RNF180: variants seen among roughly 807,000 people sequenced by gnomAD.
The protein encoded by RNF180 is E3 ubiquitin-protein ligase RNF180.
Under a neutral mutation model 59.2 loss-of-function variants are expected in RNF180, and 38 were observed. That is an observed-to-expected ratio of 0.64 (90% confidence interval 0.50 to 0.84). The LOEUF (loss-of-function observed/expected upper bound fraction) is 0.84, where lower values mean the gene tolerates loss of function less well. Among genes scored for constraint, RNF180 ranks in the 40% least tolerant of loss-of-function variants. RNF180 has a pLI of 0.00. For synonymous variants in RNF180, 262 were observed against 240.3 expected (o/e 1.09, Z -0.84); for missense variants, 705 against 700.9 (o/e 1.01, Z -0.07).
At chr5:64,179,201 A>G (rs534897310) in intron 1 of RNF180, among the ~76,000 whole-genome samples, 27 of 152,192 alleles carry the variant, frequency 1.8e-4, no homozygotes, top group Non-Finnish European at 2.9e-4. Flanking sequence ...ATTCCTAATA[A>G]AAAATTTAAT....
At chr5:64,317,669 C>T (rs1196447915) in intron 5 of RNF180, among the ~76,000 whole-genome samples, 1 of 151,264 alleles carries the variant, frequency 6.6e-6, no homozygotes, top group Non-Finnish European at 1.5e-5. Context: ...GCCTTATCCA[C>T]AGAGGATATG....
chr5:64,278,219 T>TA (rs1192904263), intron 5 of RNF180, among the ~76,000 whole-genome samples: 1 of 152,132 alleles, frequency 6.6e-6, no homozygotes, highest in Non-Finnish European at 1.5e-5. Context: ...GGCCTGCACT[T>TA]TTAACGTAAT....
intron 5 of RNF180, among the ~76,000 whole-genome samples, chr5:64,270,119 T>C (rs1741300057): frequency 6.6e-6 from 1 of 152,170 alleles, no homozygotes; most frequent in Admixed American, 6.6e-5. Flanking sequence ...TATCTTTTCA[T>C]AGAATATTTC....
intron 5 of RNF180, among the ~76,000 whole-genome samples, chr5:64,225,754 G>A (rs140433022): frequency 4.0e-3 from 450 of 112,852 alleles, no homozygotes; most frequent in Middle Eastern, 0.019. Context: ...GCCACCCTTC[G>A]TCTGAGATGT....
intron 5 of RNF180, among the ~76,000 whole-genome samples, chr5:64,256,208 G>C (rs1402388534): frequency 6.6e-6 from 1 of 152,078 alleles, no homozygotes; most frequent in Non-Finnish European, 1.5e-5. Flanking sequence ...AGTTTAATTA[G>C]ATCCCATTTG....
chr5:64,250,078 C>G (rs1418547168), intron 5 of RNF180, among the ~76,000 whole-genome samples: 1 of 152,132 alleles, frequency 6.6e-6, no homozygotes, highest in East Asian at 1.9e-4. Flanking sequence ...CACAACAAGT[C>G]TCAACACATT....
intron 7 of RNF180, among the ~76,000 whole-genome samples, chr5:64,369,227 G>A (rs936848144): frequency 2.6e-5 from 4 of 151,842 alleles, no homozygotes; most frequent in Non-Finnish European, 5.9e-5. Context: ...ACCAAACACC[G>A]CATGTTCTCA....
chr5:64,297,689 T>C (rs1231277327), intron 5 of RNF180, among the ~76,000 whole-genome samples: 2 of 152,072 alleles, frequency 1.3e-5, no homozygotes, highest in Non-Finnish European at 2.9e-5. Flanking sequence ...TAAAAAAAGT[T>C]TCCAGTTTTT....
chr5:64,308,273 A>G (rs1435640651), intron 5 of RNF180, among the ~76,000 whole-genome samples: 3 of 151,730 alleles, frequency 2.0e-5, no homozygotes, highest in Non-Finnish European at 4.4e-5. Flanking sequence ...CAGTACTCAC[A>G]GTGCTTTTGT....
intron 5 of RNF180, among the ~76,000 whole-genome samples, chr5:64,275,659 CCTT>C (rs1237502988): frequency 2.6e-5 from 4 of 151,862 alleles, no homozygotes; most frequent in South Asian, 2.1e-4. Flanking sequence ...AAATACAGGG[CCTT>C]CTTCTCTCTT....
rs1204627435 is a variant in RNF180 at position 64,317,565 on chromosome 5, T to TACATATATATAC, written c.1228-7607_1228-7596dup. On this transcript the variant is annotated intron_variant, in intron 5 of 7. Transcript: ENST00000389100. ...ATATTTATATATACATATATACACA[T>TACATATATATAC]ACATATATATACACATATATATACA... Among the ~76,000 whole-genome samples the TACATATATATAC allele has an allele frequency of 2.0e-5, 3 of 146,400 alleles. No homozygotes were observed. The East Asian group carries it at 6.0e-4, about 29-fold the overall frequency.
In RNF180 at chr5:64,372,784, T is replaced by C. The variant is rs1416441821; in HGVS notation, c.*2970T>C. The C allele has an allele frequency of 6.6e-6, 1 of 151,804 alleles. No homozygotes were observed. The highest frequency in any genetic ancestry group is 6.6e-5 in the Admixed American group (1 of 15,158). 9.4% of individuals were successfully genotyped at this position (151,804 alleles called of 1,614,324 possible). A position where few individuals can be genotyped will look rare whatever the true frequency, so the allele number is the denominator to read the frequency against. On this transcript the variant is annotated 3_prime_UTR_variant, in exon 8 of 8. Coordinates refer to ENST00000389100, the MANE Select transcript of RNF180 (RefSeq NM_001113561.2). ...CATGCTCAACTCTTACTTCTTGAAG[T>C]GTTTGATTGTCAGTAAATTTTCGAA...
intron 5 of RNF180, among the ~76,000 whole-genome samples, chr5:64,219,865 C>G (rs940734995): frequency 6.6e-6 from 1 of 152,132 alleles, no homozygotes; most frequent in East Asian, 1.9e-4. Flanking sequence ...CATAGTGAAA[C>G]TACCTGAGCC....
At chr5:64,239,975 A>G (rs1165165632) in intron 5 of RNF180, among the ~76,000 whole-genome samples, 1 of 152,146 alleles carries the variant, frequency 6.6e-6, no homozygotes, top group African/African-American at 2.4e-5. Flanking sequence ...ATTCCTCACT[A>G]TTTAAACTCA....
At chr5:64,299,886 G>A (rs186216672) in intron 5 of RNF180, among the ~76,000 whole-genome samples, 1 of 151,908 alleles carries the variant, frequency 6.6e-6, no homozygotes, top group East Asian at 1.9e-4. Flanking sequence ...GTTGCATGCT[G>A]TTCCATGTAG....
rs144084293 is a variant in RNF180 at position 64,368,962 on chromosome 5, A to G, written c.1580-653A>G. 6.1e-3 allele frequency among the ~76,000 whole-genome samples: 935 copies of G among 152,274 alleles called. 6 individuals carry two copies. Among genetic ancestry groups the G allele is most frequent in the Middle Eastern group, 0.02 (6 of 294 alleles). On this transcript the variant is annotated intron_variant, in intron 7 of 7. Transcript: ENST00000389100. ...TGACCCAGCCATCCCATTACTGGGT[A>G]TATACCCAAAGAACTATAAATCATG... is the stretch of plus-strand genomic sequence containing the variant.
chr5:64,362,456 T>C lies in RNF180; in HGVS notation c.1580-7159T>C, dbSNP rs573859147. On this transcript the variant is annotated intron_variant, in intron 7 of 7. Coordinates refer to ENST00000389100, the MANE Select transcript of RNF180 (RefSeq NM_001113561.2). ...TGGCTGCATAGTAATCCGTAGTGTA[T>C]AGATACCATATTTTCTTTATCCAGT... 3.3e-5 allele frequency among the ~76,000 whole-genome samples: 5 copies of C among 152,082 alleles called. No individual in the cohort carries two copies. In the South Asian group the frequency reaches 1.0e-3, roughly 32 times the overall value.
intron 1 of RNF180, among the ~76,000 whole-genome samples, chr5:64,183,140 C>T (rs1750697113): frequency 1.3e-5 from 2 of 152,158 alleles, no homozygotes; most frequent in South Asian, 4.1e-4. Context: ...AATCTCAAGA[C>T]TAGAAAATAA....
chr5:64,336,047 GA>G (rs1317529644), intron 7 of RNF180, among the ~76,000 whole-genome samples: 4 of 152,042 alleles, frequency 2.6e-5, no homozygotes, highest in Non-Finnish European at 5.9e-5. Context: ...CTTCAGTGCA[GA>G]AAAATTGTCC....
Sources: allele counts gnomAD v4.1 joint callset (sites outside exome capture counted in the v4.1 genomes callset), GRCh38; gene constraint gnomAD v4.1.1; transcripts MANE v1.5; gene names NCBI Gene and HGNC (gene_info 2026-07-23, HGNC 2026-07-21).